Variants in RFPL1 observed in about 807,000 individuals in gnomAD.
RFPL1 encodes the protein ret finger protein like 1.
In RFPL1, 6 loss-of-function variants were observed where a neutral mutation model predicts 9.6. The ratio of observed to expected loss-of-function variants is 0.62; its 90% CI spans 0.34 to 1.23. The LOEUF is 1.23. Ranked by LOEUF, RFPL1 falls within the 50% of genes most tolerant of loss-of-function variation. The pLI, the probability that RFPL1 is intolerant of heterozygous loss-of-function variation, is 0.03. For missense variants in RFPL1, 352 were observed against 398.4 expected (o/e 0.88, Z 0.99); for synonymous variants, 145 against 149.4 (o/e 0.97, Z 0.22).
upstream of RFPL1, chr22:29,436,813 C>A (rs1353889937): frequency 2.0e-5 from 3 of 152,104 alleles, no homozygotes; most frequent in African/African-American, 7.2e-5. Flanking sequence ...ATATTTAAAG[C>A]CGACCAAAAT....
the RFPL1 span, among the ~76,000 whole-genome samples, chr22:29,415,065 A>G: frequency 6.6e-6 from 1 of 151,236 alleles, no homozygotes; most frequent in Non-Finnish European, 1.5e-5. Context: ...GAAAATCAAA[A>G]CCAAAACCAA....
the RFPL1 span, among the ~76,000 whole-genome samples, chr22:29,401,168 T>G: frequency 6.6e-6 from 1 of 152,248 alleles, no homozygotes; most frequent in Non-Finnish European, 1.5e-5. Flanking sequence ...ACAATAGAAT[T>G]TAAATGTTGT....
the RFPL1 span, among the ~76,000 whole-genome samples, chr22:29,398,038 A>C: frequency 0.53 from 80,922 of 152,032 alleles, 24,330 homozygotes; most frequent in East Asian, 0.82. Context: ...GCAAAGCAGC[A>C]AGCTGCACCT....
upstream of RFPL1, chr22:29,437,502 G>C: frequency 1.9e-6 from 2 of 1,026,892 alleles, no homozygotes; most frequent in Non-Finnish European, 2.9e-6. Flanking sequence ...TACACTGTCA[G>C]GATGAAGGAT....
the RFPL1 span, among the ~76,000 whole-genome samples, chr22:29,412,149 T>C: frequency 7.2e-5 from 11 of 152,258 alleles, no homozygotes; most frequent in East Asian, 2.1e-3. Context: ...GGTCCCCACT[T>C]TTCTGACACA....
At chr22:29,437,528 T>A, upstream of RFPL1, 1 of 1,248,694 alleles carries the variant, frequency 8.0e-7, no homozygotes. Context: ...AAAGTTACAA[T>A]TAACTGGAGA....
At chr22:29,410,571 T>TATATCTATCTATATATAGATATA in the RFPL1 span, among the ~76,000 whole-genome samples, 2 of 81,826 alleles carry the variant, frequency 2.4e-5, no homozygotes, top group Non-Finnish European at 5.9e-5. Flanking sequence ...GATATATATA[T>TATATCTATCTATATATAGATATA]TGTAGATATA....
chr22:29,410,477 T>G, the RFPL1 span, among the ~76,000 whole-genome samples: 1 of 106,794 alleles, frequency 9.4e-6, no homozygotes, highest in African/African-American at 3.7e-5. Context: ...TATATAGATA[T>G]ATATATTGTA....
upstream of RFPL1, chr22:29,437,569 T>G: frequency 1.3e-6 from 2 of 1,532,990 alleles, no homozygotes; most frequent in South Asian, 2.3e-5. Flanking sequence ...AATTCCCTGT[T>G]ATAATTAAAT....
the RFPL1 span, among the ~76,000 whole-genome samples, chr22:29,398,358 C>T: frequency 6.6e-6 from 1 of 152,214 alleles, no homozygotes; most frequent in Non-Finnish European, 1.5e-5. Flanking sequence ...ATGGCGGTGC[C>T]ATTTGCCAAA....
intron 1 of RFPL1, 179 bp from the exon 2 acceptor site, chr22:29,441,363 A>G: frequency 4.3e-6 from 3 of 689,840 alleles, no homozygotes; most frequent in Non-Finnish European, 7.3e-6. Flanking sequence ...TATTGCCACA[A>G]AGCATACCTA....
the RFPL1 span, among the ~76,000 whole-genome samples, chr22:29,425,152 C>CT: frequency 2.0e-5 from 3 of 147,058 alleles, no homozygotes; most frequent in Admixed American, 2.1e-4. Context: ...TGCAGTGAGC[C>CT]GAGATTGCGC....
chr22:29,410,741 C>T, the RFPL1 span, among the ~76,000 whole-genome samples: 1 of 150,336 alleles, frequency 6.7e-6, no homozygotes, highest in Middle Eastern at 3.4e-3. Context: ...AACCCATCAG[C>T]TCCCAGGTTT....
chr22:29,410,258 A>G, the RFPL1 span, among the ~76,000 whole-genome samples: 1 of 132,146 alleles, frequency 7.6e-6, no homozygotes, highest in Admixed American at 8.5e-5. Context: ...ATATATTTGT[A>G]GATATATATA....
At chr22:29,434,614 A>G (rs1363141981), upstream of RFPL1, 3 of 153,180 alleles carry the variant, frequency 2.0e-5, no homozygotes, top group African/African-American at 7.2e-5. Context: ...GGAGGTAGAC[A>G]TGGGGACAGG....
chr22:29,390,582 T>TTTTATTTATTTTTTATTTATTTATTTA, the RFPL1 span, among the ~76,000 whole-genome samples: 721 of 146,924 alleles, frequency 4.9e-3, 6 homozygotes, highest in African/African-American at 0.017. Context: ...CTTATTCCAT[T>TTTTATTTATTTTTTATTTATTTATTTA]TTTATTTATT....
chr22:29,405,708 T>A, the RFPL1 span, among the ~76,000 whole-genome samples: 1 of 152,206 alleles, frequency 6.6e-6, no homozygotes, highest in South Asian at 2.1e-4. Flanking sequence ...CTGTGGTAAC[T>A]CTGGGCAAGT....
At chr22:29,423,149 T>A in the RFPL1 span, 1 of 1,519,364 alleles carries the variant, frequency 6.6e-7, no homozygotes, top group Non-Finnish European at 9.1e-7. Context: ...GTGAAATATT[T>A]TGAGTCAGTC....
At chr22:29,416,262 C>T in the RFPL1 span, among the ~76,000 whole-genome samples, 2 of 152,150 alleles carry the variant, frequency 1.3e-5, no homozygotes, top group African/African-American at 4.8e-5. Context: ...CTCATCTCAG[C>T]TTCAGAAGGG....
Sources: gnomAD v4.1 joint callset for allele counts (sites outside exome capture counted in the v4.1 genomes callset) on GRCh38, gnomAD v4.1.1 for gene constraint, MANE v1.5 for transcripts, NCBI Gene and HGNC (gene_info 2026-07-23, HGNC 2026-07-21) for gene names.